Variants in NEB observed in about 807,000 individuals in gnomAD.
NEB encodes the protein nemaline myopathy type 2.
A neutral mutation model predicts 952.2 loss-of-function variants in NEB; 512 were observed. That is an observed-to-expected ratio of 0.54 (90% confidence interval 0.50 to 0.58). The LOEUF is 0.58. Ranked by LOEUF, NEB falls within the 20% of genes least tolerant of loss-of-function variation. The pLI is 0.00. For missense variants in NEB, 8,428 were observed against 9,231.1 expected (o/e 0.91, Z 3.56); for synonymous variants, 2,900 against 3,149.8 (o/e 0.92, Z 2.66).
chr2:151,626,412 G>A (rs771056984), intron 70 of NEB, among the ~76,000 whole-genome samples: 11 of 152,118 alleles, frequency 7.2e-5, no homozygotes, highest in Non-Finnish European at 1.3e-4. Flanking sequence ...CACCATGCCC[G>A]GCTTGCATCT....
At chr2:151,542,448 A>G (rs1268129696) in intron 135 of NEB, among the ~76,000 whole-genome samples, 1 of 152,190 alleles carries the variant, frequency 6.6e-6, no homozygotes, top group East Asian at 1.9e-4. Flanking sequence ...CATGTTCAAT[A>G]TATAATTCTT....
chr2:151,670,499 C>A (rs1301896102), intron 38 of NEB, among the ~76,000 whole-genome samples: 3 of 144,038 alleles, frequency 2.1e-5, no homozygotes, highest in Non-Finnish European at 3.0e-5. Flanking sequence ...TATGAGTCCA[C>A]GGTGTAAGAG....
chr2:151,545,846 G>T, intron 135 of NEB, 42 bp downstream of exon 135: 2 of 1,239,700 alleles, frequency 1.6e-6, no homozygotes, highest in South Asian at 1.3e-5. Flanking sequence ...AGTTTGTACT[G>T]GTCAATTTGA....
At position 151,724,383 on chromosome 2, in the gene NEB, G is replaced by A. The variant is rs762913059; in HGVS notation, c.508-19C>T. ...ATAAAACCTAGACAGAAGGAGCAGA[G>A]GATCTGTGGCTTGAGGTCTCACCCA... On this transcript the variant is annotated intron_variant, in intron 7 of 181. Coordinates refer to ENST00000397345, the MANE Select transcript of NEB (RefSeq NM_001164508.2). 2 of 1,577,076 alleles carry A rather than the reference G, an allele frequency of 1.3e-6. No individual in the cohort carries two copies. The highest frequency in any genetic ancestry group is 1.7e-6 in the Non-Finnish European group (2 of 1,152,220).
intron 36 of NEB, among the ~76,000 whole-genome samples, chr2:151,672,917 C>A (rs1371406616): frequency 1.3e-5 from 2 of 152,200 alleles, no homozygotes; most frequent in Non-Finnish European, 2.9e-5. Flanking sequence ...AGATAATTTG[C>A]ATGTGGAACT....
intron 54 of NEB, among the ~76,000 whole-genome samples, chr2:151,648,116 G>A (rs966456560): frequency 6.6e-6 from 1 of 152,182 alleles, no homozygotes; most frequent in Non-Finnish European, 1.5e-5. Flanking sequence ...GGGAATCTGG[G>A]TATATGTATG....
At chr2:151,527,084 T>C in intron 147 of NEB, 62 bp from the exon 148 acceptor site, 3 of 1,101,124 alleles carry the variant, frequency 2.7e-6, no homozygotes, top group Non-Finnish European at 4.0e-6. Context: ...AGCTGGGCAT[T>C]TGATTAAACA....
At position 151,565,543 on chromosome 2, in the gene NEB, T is replaced by C. The variant is rs2096323432; in HGVS notation, c.18324A>G (p.Pro6108=). 6.2e-7 allele frequency: 1 copy of C among 1,602,862 alleles called. No individual in the cohort carries two copies. Among genetic ancestry groups the C allele is most frequent in the South Asian group, 1.1e-5 (1 of 90,378 alleles). Reference sequence around the variant, plus strand: ...AATTAATCTTGGCTAAAACAATCTCTGGAGGATCCACCACACTTCTAAAGT... The same window carrying C: ...AATTAATCTTGGCTAAAACAATCTCCGGAGGATCCACCACACTTCTAAAGT... ...YPNFRSVVDP[P]EIVLAKINSV... The change falls in exon 116 of 182, where the codon CCA becomes CCG. Residue 6108 remains proline (P), a synonymous_variant. Transcript: ENST00000397345.
Position 151,614,606 on chromosome 2 carries a change from G to A in NEB, c.11290-19C>T. On this transcript the variant is annotated intron_variant, in intron 76 of 181. Transcript: ENST00000397345. ...ACTTGTACTAAAAAAATAGAGATATGAGTATAATGACAAGAACATCTTATA... is the reference window on the plus strand; with the variant it reads ...ACTTGTACTAAAAAAATAGAGATATAAGTATAATGACAAGAACATCTTATA... 1 of 1,596,924 alleles carries A rather than the reference G, an allele frequency of 6.3e-7. No individual in the cohort carries two copies. Among genetic ancestry groups the A allele is most frequent in the Non-Finnish European group, 8.6e-7 (1 of 1,166,240 alleles).
rs10199238 is a variant in NEB, at chr2:151,490,357, G to A, written c.25297+15C>T. ...GCCGGGTGGGACTGCCAAAATCAGC[G>A]CCAGGCACTTGTACCTGTTGAGACT... On this transcript the variant is annotated intron_variant, in intron 180 of 181. Transcript: ENST00000397345. The A allele has an allele frequency of 2.7e-5, 43 of 1,583,694 alleles. No individual in the cohort carries two copies. Among genetic ancestry groups the A allele is most frequent in the African/African-American group, 1.2e-4 (9 of 74,088 alleles).
chr2:151,685,742 A>G (rs893568237), intron 27 of NEB, among the ~76,000 whole-genome samples: 3 of 152,192 alleles, frequency 2.0e-5, no homozygotes, highest in Admixed American at 2.0e-4. Flanking sequence ...TCCCAGCTTC[A>G]TTGTATCCAC....
At chr2:151,613,767 GCTCT>G (rs1204462824) in intron 77 of NEB, among the ~76,000 whole-genome samples, 1 of 151,924 alleles carries the variant, frequency 6.6e-6, no homozygotes, top group Non-Finnish European at 1.5e-5. Flanking sequence ...TTCCCCCTTT[GCTCT>G]CTCTCTCCTG....
chr2:151,550,400 C>A (rs2095244516), intron 129 of NEB, among the ~76,000 whole-genome samples: 1 of 151,856 alleles, frequency 6.6e-6, no homozygotes, highest in Non-Finnish European at 1.5e-5. Context: ...TCTGCCATTA[C>A]TCCATCCTCA....
intron 129 of NEB, among the ~76,000 whole-genome samples, chr2:151,549,966 G>A (rs566397629): frequency 1.3e-5 from 2 of 152,230 alleles, no homozygotes; most frequent in East Asian, 3.9e-4. Context: ...GAGTGAAATG[G>A]TTTATTGAAA....
chr2:151,539,657 A>G (rs1244094539), intron 138 of NEB, among the ~76,000 whole-genome samples: 2 of 152,158 alleles, frequency 1.3e-5, no homozygotes, highest in Non-Finnish European at 1.5e-5. Flanking sequence ...TTGGCTATTT[A>G]CCTTGGATTC....
chr2:151,542,371 A>G (rs1331276850), intron 135 of NEB, among the ~76,000 whole-genome samples: 1 of 152,108 alleles, frequency 6.6e-6, no homozygotes, highest in Non-Finnish European at 1.5e-5. Flanking sequence ...CCAAATCTAC[A>G]TATCCAGTGT....
intron 40 of NEB, among the ~76,000 whole-genome samples, chr2:151,667,195 A>G (rs949371938): frequency 6.6e-6 from 1 of 151,878 alleles, no homozygotes; most frequent in African/African-American, 2.4e-5. Context: ...CTTCATGGAA[A>G]TTATAAAATT....
At position 151,650,167 on chromosome 2, in the gene NEB, G is replaced by A. The variant is rs1486843790; in HGVS notation, c.7431+9C>T. 2 of 1,611,584 alleles carry A rather than the reference G, an allele frequency of 1.2e-6. No individual in the cohort carries two copies. The highest frequency in any genetic ancestry group is 1.7e-5 in the Admixed American group (1 of 59,966). On this transcript the variant is annotated intron_variant, in intron 54 of 181. Transcript: ENST00000397345. ...ACTATAATCTATTTATTTCCAGAGT[G>A]CTACTCACATCACTCCTATTTTTGG...
chr2:151,679,980 T>G lies in NEB; in HGVS notation c.3085A>C (p.Asn1029His), dbSNP rs775660812. 2.5e-6 allele frequency: 4 copies of G among 1,613,632 alleles called. No individual in the cohort carries two copies. The highest frequency in any genetic ancestry group is 3.4e-6 in the Non-Finnish European group (4 of 1,179,536). The change falls in exon 31 of 182, where the codon AAC becomes CAC. Residue 1029 changes from asparagine (N) to histidine (H), a missense_variant. By Grantham distance (68) the Asn-to-His change is moderately conservative. Coordinates refer to ENST00000397345, the MANE Select transcript of NEB (RefSeq NM_001164508.2). ...AKGEEIIHKY[N>H]LPPDLPQFIQ... Reference sequence around the variant, plus strand: ...AACTGGGGCAGGTCTGGTGGCAGGTTGTATTTGTGAATAATTTCCTCTCCT... The same window carrying G: ...AACTGGGGCAGGTCTGGTGGCAGGTGGTATTTGTGAATAATTTCCTCTCCT...
Sources: allele counts gnomAD v4.1 joint callset (sites outside exome capture counted in the v4.1 genomes callset), GRCh38; gene constraint gnomAD v4.1.1; transcripts MANE v1.5; gene names NCBI Gene and HGNC (gene_info 2026-07-23, HGNC 2026-07-21).